Variants in MYO1G observed in about 807,000 individuals in gnomAD.
The protein encoded by MYO1G is myosin IG, also known as unconventional myosin-Ig.
Under a neutral mutation model 115.3 loss-of-function variants are expected in MYO1G, and 65 were observed. The ratio of observed to expected loss-of-function variants is 0.56; its 90% CI spans 0.46 to 0.69. The LOEUF is 0.69. Among genes scored for constraint, MYO1G ranks in the 30% least tolerant of loss-of-function variants. The pLI is 0.00. For synonymous variants in MYO1G, 510 were observed against 552.6 expected (o/e 0.92, Z 1.08); for missense variants, 1,204 against 1,393.5 (o/e 0.86, Z 2.16).
Position 44,963,362 on chromosome 7 carries a change from C to A in MYO1G, c.2746-238G>T. On this transcript the variant is annotated intron_variant, in intron 20 of 21. Transcript: ENST00000258787. This position sits in a 1 kb window ranked among gnomAD's most constrained non-coding sequence, Gnocchi z 4.1. ...TTCTCCAGGACTGATGGTTCTAGAT[C>A]CTTGCTGTCCAACAGGGCCGCCACT... The A allele has an allele frequency of 4.0e-6, 2 of 503,918 alleles. No individual in the cohort carries two copies. Among genetic ancestry groups the A allele is most frequent in the Non-Finnish European group, 6.9e-6 (2 of 291,144 alleles). The allele number at this position is 503,918 out of a possible 1,614,324, so 31.2% of individuals were successfully genotyped here.
Position 44,976,944 on chromosome 7 carries a change from G to A in MYO1G, c.223C>T (p.Pro75Ser), listed in dbSNP as rs771794310. 6.8e-6 allele frequency: 11 copies of A among 1,613,592 alleles called. No homozygotes were observed. Among genetic ancestry groups the A allele is most frequent in the Non-Finnish European group, 9.3e-6 (11 of 1,180,034 alleles). Residue 75 changes from proline to serine, a missense_variant, in exon 2 of 22, where the codon CCA (proline) becomes TCA (serine). Coordinates refer to ENST00000258787, the MANE Select transcript of MYO1G (RefSeq NM_033054.3). ...RYQGRELYERPPHLYAVANAA... is the reference protein window; with the variant it reads ...RYQGRELYERSPHLYAVANAA... ...TTGGCCACAGCATAGAGATGGGGTG[G>A]CCGCTCATAGAGCTCACGGCCCTGG...
chr7:44,967,875 C>A lies in MYO1G; in HGVS notation c.1649+9G>T. On this transcript the variant is annotated intron_variant, in intron 13 of 21. Transcript: ENST00000258787. Reference sequence around the variant, plus strand: ...GCCCTCCCTATGGTGCCCAGCAAGCCGTGCTCACCTGTTGTACAGCAGCCG... The same window carrying A: ...GCCCTCCCTATGGTGCCCAGCAAGCAGTGCTCACCTGTTGTACAGCAGCCG... The A allele has an allele frequency of 6.2e-7, 1 of 1,613,896 alleles. No individual in the cohort carries two copies. Among genetic ancestry groups the A allele is most frequent in the Non-Finnish European group, 8.5e-7 (1 of 1,179,994 alleles).
chr7:44,962,838 C>T lies in MYO1G; in HGVS notation c.2958G>A (p.Gly986=). 6.6e-7 allele frequency: 1 copy of T among 1,513,038 alleles called. No homozygotes were observed. The highest frequency in any genetic ancestry group is 8.8e-7 in the Non-Finnish European group (1 of 1,134,926). The allele number at this position is 1,513,038 out of a possible 1,614,324, so 93.7% of individuals were successfully genotyped here. ...GCTCCACGGAGATGAGGCGCCGGAC[C>T]CCGCGATGGCTTAGTGGGATGCAGT... ...VSDCIPLSHR[G]VRRLISVEPR... Residue 986 remains glycine, a synonymous_variant, in exon 22 of 22, where the codon GGG becomes GGA. Coordinates refer to ENST00000258787, the MANE Select transcript of MYO1G (RefSeq NM_033054.3). The surrounding 1 kb of genome is among the most constrained non-coding windows in gnomAD (Gnocchi z 5.3).
intron 1 of MYO1G, among the ~76,000 whole-genome samples, chr7:44,977,939 A>C (rs1342277962): frequency 6.6e-6 from 1 of 152,104 alleles, no homozygotes; most frequent in Non-Finnish European, 1.5e-5. Flanking sequence ...CAAGTCACCC[A>C]CGTCTCCAGG....
At chr7:44,972,999 G>A (rs1794987005) in intron 5 of MYO1G, 1 of 152,054 alleles carries the variant, frequency 6.6e-6, no homozygotes, top group Non-Finnish European at 1.5e-5. Flanking sequence ...GGGAAGCTCA[G>A]ATTCCACAGA....
chr7:44,971,191 G>T, intron 7 of MYO1G, 132 bp from the exon 8 acceptor site: 2 of 774,288 alleles, frequency 2.6e-6, no homozygotes, highest in Non-Finnish European at 4.1e-6. Flanking sequence ...AGACCAGCAT[G>T]GTCAGCTGCT....
intron 7 of MYO1G, 63 bp from the exon 8 acceptor site, chr7:44,971,122 G>A: frequency 6.9e-7 from 1 of 1,452,126 alleles, no homozygotes; most frequent in East Asian, 2.4e-5. Context: ...GGACAACTTT[G>A]GACAAGAAGG....
Position 44,971,721 on chromosome 7 carries a change from A to G in MYO1G, c.798T>C (p.Pro266=). ...TGCGATGCACAGACTCCACCTCTTC[A>G]GGACTGAAGCCGATGACCCTCATGG... ...TEAMRVIGFS[P]EEVESVHRIL... Residue 266 remains proline (P), a synonymous_variant, in exon 7 of 22, where the codon CCT becomes CCC. Coordinates refer to ENST00000258787, the MANE Select transcript of MYO1G (RefSeq NM_033054.3). 1 of 1,557,062 alleles carries G rather than the reference A, an allele frequency of 6.4e-7. No individual in the cohort carries two copies. The highest frequency in any genetic ancestry group is 1.2e-5 in the South Asian group (1 of 84,466).
In MYO1G at chr7:44,969,441, G is replaced by A. The variant is rs372731729; in HGVS notation, c.1546C>T (p.Arg516Trp). 8.1e-6 allele frequency: 13 copies of A among 1,613,814 alleles called. No homozygotes were observed. Among genetic ancestry groups the A allele is most frequent in the African/African-American group, 1.3e-5 (1 of 74,874 alleles). Residue 516 changes from arginine (R) to tryptophan (W), a missense_variant, in exon 12 of 22, where the codon CGG becomes TGG. Arg to Trp is a moderately radical substitution (Grantham distance 101). Coordinates refer to ENST00000258787, the MANE Select transcript of MYO1G (RefSeq NM_033054.3). The surrounding 1 kb of genome is among the most constrained non-coding windows in gnomAD (Gnocchi z 5.0). ...ACGTCCCCTGCATAGTGCTTGATCC[G>A]GAAGTCTCGGCCAAACTCCATGGTC... is the stretch of plus-strand genomic sequence containing the variant. ...DKTMEFGRDF[R>W]IKHYAGDVTY...
chr7:44,963,259 G>T lies in MYO1G; in HGVS notation c.2746-135C>A. The T allele has an allele frequency of 3.1e-6, 3 of 976,578 alleles. No individual in the cohort carries two copies. Among genetic ancestry groups the T allele is most frequent in the South Asian group, 3.8e-5 (2 of 52,242 alleles). The allele number at this position is 976,578 out of a possible 1,614,324, so 60.5% of individuals were successfully genotyped here. On this transcript the variant is annotated intron_variant, in intron 20 of 21. Coordinates refer to ENST00000258787, the MANE Select transcript of MYO1G (RefSeq NM_033054.3). This position sits in a 1 kb window ranked among gnomAD's most constrained non-coding sequence, Gnocchi z 4.1. ...AGCGCCGCCCTCGCCAGGGCCACCA[G>T]CCCCCCACCGCCCCCTCCTCCCTCT...
Position 44,964,086 on chromosome 7 carries a change from C to G in MYO1G, c.2708G>C (p.Arg903Pro). 1 of 1,605,652 alleles carries G rather than the reference C, an allele frequency of 6.2e-7. No homozygotes were observed. The highest frequency in any genetic ancestry group is 8.5e-7 in the Non-Finnish European group (1 of 1,176,252). Reference protein sequence around the residue: ...DQHLYKLDPDRQYRVMRAVPL... With the variant: ...DQHLYKLDPDPQYRVMRAVPL... ...CACGGCCCGCATCACCCGGTACTGCCGGTCAGGGTCCAGCTTGTAGAGGTG... is the reference window on the plus strand; with the variant it reads ...CACGGCCCGCATCACCCGGTACTGCGGGTCAGGGTCCAGCTTGTAGAGGTG... The change falls in exon 20 of 22, where the codon CGG becomes CCG. Residue 903 changes from arginine (R) to proline (P), a missense_variant. Transcript: ENST00000258787. This position sits in a 1 kb window ranked among gnomAD's most constrained non-coding sequence, Gnocchi z 5.1.
chr7:44,978,742 G>A (rs1583799721), intron 1 of MYO1G, 125 bp downstream of exon 1: 3 of 821,518 alleles, frequency 3.7e-6, no homozygotes, highest in South Asian at 3.1e-5. Context: ...TGGTCTGGGT[G>A]GGTGTGTGCC....
Position 44,969,324 on chromosome 7 carries a change from G to T in MYO1G, c.1574+89C>A. ...AGAAGTGGCCATAACACCTGTCTCC[G>T]AGCCACTCCCCTGAAGCGCTCCTGC... is the stretch of plus-strand genomic sequence containing the variant. On this transcript the variant is annotated intron_variant, in intron 12 of 21. Coordinates refer to ENST00000258787, the MANE Select transcript of MYO1G (RefSeq NM_033054.3). The surrounding 1 kb of genome is among the most constrained non-coding windows in gnomAD (Gnocchi z 5.0). 1 of 1,344,234 alleles carries T rather than the reference G, an allele frequency of 7.4e-7. No homozygotes were observed. The highest frequency in any genetic ancestry group is 1.1e-6 in the Non-Finnish European group (1 of 936,856). 83.3% of individuals were successfully genotyped at this position (1,344,234 alleles called of 1,614,324 possible).
intron 14 of MYO1G, among the ~76,000 whole-genome samples, chr7:44,967,068 G>C (rs537485976): frequency 6.6e-6 from 1 of 152,202 alleles, no homozygotes; most frequent in Non-Finnish European, 1.5e-5. Flanking sequence ...GGGGAGGTGG[G>C]CGTGGCAGGG....
chr7:44,969,436 G>C lies in MYO1G; in HGVS notation c.1551C>G (p.Ile517Met). Residue 517 changes from isoleucine to methionine, a missense_variant, in exon 12 of 22, where the codon ATC becomes ATG. Transcript: ENST00000258787. This position sits in a 1 kb window ranked among gnomAD's most constrained non-coding sequence, Gnocchi z 5.0. ...ACGTGACGTCCCCTGCATAGTGCTT[G>C]ATCCGGAAGTCTCGGCCAAACTCCA... is the stretch of plus-strand genomic sequence containing the variant. ...KTMEFGRDFR[I>M]KHYAGDVTYS... is the part of the protein sequence containing the mutation. 1 of 1,613,990 alleles carries C rather than the reference G, an allele frequency of 6.2e-7. No individual in the cohort carries two copies. Among genetic ancestry groups the C allele is most frequent in the Non-Finnish European group, 8.5e-7 (1 of 1,180,008 alleles).
rs1278788997 is a variant in MYO1G at position 44,976,887 on chromosome 7, T to C, written c.280A>G (p.Arg94Gly). 5.6e-6 allele frequency: 9 copies of C among 1,613,366 alleles called. No individual in the cohort carries two copies. Among genetic ancestry groups the C allele is most frequent in the Non-Finnish European group, 7.6e-6 (9 of 1,180,040 alleles). The change falls in exon 2 of 22, where the codon AGG (arginine) becomes GGG (glycine). Residue 94 changes from arginine to glycine, a missense_variant. Coordinates refer to ENST00000258787, the MANE Select transcript of MYO1G (RefSeq NM_033054.3). ...CCTGAGATGACGATGCAGGTGTCCC[T>C]GGACCGGTGCTTCATTGCCTTGTAG... The part of the protein sequence containing the change: ...AAYKAMKHRS[R>G]DTCIVISGES...
rs778721252 is a variant in MYO1G, at chr7:44,972,168, C to G, written c.676G>C (p.Ala226Pro). The G allele has an allele frequency of 6.2e-7, 1 of 1,614,160 alleles. No individual in the cohort carries two copies. Among genetic ancestry groups the G allele is most frequent in the South Asian group, 1.1e-5 (1 of 91,088 alleles). Residue 226 changes from alanine to proline, a missense_variant, in exon 6 of 22, where the codon GCT (alanine) becomes CCT (proline). Ala to Pro is a conservative substitution (Grantham distance 27, BLOSUM62 -1). Transcript: ENST00000258787. ...CCCTGGTGTGTGAAATTGTATACAG[C>G]AGGGTTTCTCTCCAAGTGCAGTTCA... ...LHELHLERNPAVYNFTHQGAG... is the reference protein window; with the variant it reads ...LHELHLERNPPVYNFTHQGAG...
chr7:44,965,653 G>A lies in MYO1G; in HGVS notation c.2365C>T (p.His789Tyr). 6.2e-7 allele frequency: 1 copy of A among 1,613,460 alleles called. No homozygotes were observed. Among genetic ancestry groups the A allele is most frequent in the Non-Finnish European group, 8.5e-7 (1 of 1,179,706 alleles). Residue 789 changes from histidine to tyrosine, a missense_variant, in exon 17 of 22, where the codon CAC (histidine) becomes TAC (tyrosine). Physicochemically the swap from His to Tyr is moderately conservative, Grantham distance 83. Coordinates refer to ENST00000258787, the MANE Select transcript of MYO1G (RefSeq NM_033054.3). ...GAGTAGTACCTGCAGAAGAGTGCGT[G>A]GCAGGTGTCCTGGAAGGGCTGCAGC... Reference protein sequence around the residue: ...AVLQPFQDTCHALFCRWRARQ... With the variant: ...AVLQPFQDTCYALFCRWRARQ...
chr7:44,971,712 C>T lies in MYO1G; in HGVS notation c.807G>A (p.Val269=). ...CAGCCAGGATGCGATGCACAGACTC[C>T]ACCTCTTCAGGACTGAAGCCGATGA... ...MRVIGFSPEE[V]ESVHRILAAI... Residue 269 remains valine, a synonymous_variant, in exon 7 of 22, where the codon GTG becomes GTA. Coordinates refer to ENST00000258787, the MANE Select transcript of MYO1G (RefSeq NM_033054.3). 2 of 1,557,636 alleles carry T rather than the reference C, an allele frequency of 1.3e-6. No individual in the cohort carries two copies. Among genetic ancestry groups the T allele is most frequent in the Non-Finnish European group, 1.7e-6 (2 of 1,150,256 alleles).
Sources: allele counts gnomAD v4.1 joint callset (sites outside exome capture counted in the v4.1 genomes callset), GRCh38; gene constraint gnomAD v4.1.1; non-coding constraint Gnocchi (gnomAD v3.1); transcripts MANE v1.5; gene names NCBI Gene and HGNC (gene_info 2026-07-23, HGNC 2026-07-21).